ZPBP: variants seen among roughly 807,000 people sequenced by gnomAD.
ZPBP encodes the protein zona pellucida-binding protein 1.
Under a neutral mutation model 44.8 loss-of-function variants are expected in ZPBP, and 26 were observed. That is an observed-to-expected ratio of 0.58 (90% CI 0.43 to 0.81). The LOEUF (loss-of-function observed/expected upper bound fraction) is 0.81, where lower values mean the gene tolerates loss of function less well. ZPBP is among the 30% of genes least tolerant of loss of function. ZPBP has a pLI of 0.00. For missense variants in ZPBP, 409 were observed against 434.0 expected (o/e 0.94, Z 0.51); for synonymous variants, 174 against 153.2 (o/e 1.14, Z -1.00).
At chr7:49,914,280 T>C (rs141636240) in intron 1 of ZPBP, 13 of 152,352 alleles carry the variant, frequency 8.5e-5, no homozygotes, top group Admixed American at 3.3e-4. Context: ...CCAGAATGGA[T>C]GATGAGCTCT....
chr7:50,030,511 C>G (rs1289210382), intron 5 of ZPBP, among the ~76,000 whole-genome samples: 1 of 136,150 alleles, frequency 7.3e-6, no homozygotes, highest in Non-Finnish European at 1.6e-5. Flanking sequence ...TAAAAAAAAA[C>G]CCTAAAAAAG....
intron 2 of ZPBP, among the ~76,000 whole-genome samples, chr7:49,891,624 A>G (rs937450780): frequency 5.3e-5 from 8 of 152,212 alleles, no homozygotes; most frequent in Admixed American, 4.6e-4. Context: ...AAAAAAAAAC[A>G]GCAATAATAC....
At chr7:49,970,954 G>C (rs1446195370) in intron 7 of ZPBP, among the ~76,000 whole-genome samples, 1 of 152,070 alleles carries the variant, frequency 6.6e-6, no homozygotes, top group Non-Finnish European at 1.5e-5. Flanking sequence ...TGAGGTGAGA[G>C]GATCACTTGA....
chr7:50,033,856 C>T (rs1048568088), intron 4 of ZPBP, among the ~76,000 whole-genome samples: 2 of 152,048 alleles, frequency 1.3e-5, no homozygotes, highest in Non-Finnish European at 2.9e-5. Context: ...CCATACCCGG[C>T]TAATTTTTGT....
intron 6 of ZPBP, among the ~76,000 whole-genome samples, chr7:49,992,580 A>G (rs1372086654): frequency 6.6e-6 from 1 of 152,132 alleles, no homozygotes; most frequent in African/African-American, 2.4e-5. Context: ...AAAATATTAC[A>G]ATAGTATAAG....
intron 3 of ZPBP, among the ~76,000 whole-genome samples, chr7:50,068,992 G>A (rs774582083): frequency 1.4e-4 from 22 of 152,160 alleles, no homozygotes; most frequent in Admixed American, 3.9e-4. Flanking sequence ...GCTAAAGCTC[G>A]ACTGCATCAT....
chr7:49,874,544 ATATATG>A (rs1791314372), intron 2 of ZPBP, among the ~76,000 whole-genome samples: 1 of 52,556 alleles, frequency 1.9e-5, no homozygotes, highest in Non-Finnish European at 4.3e-5. Flanking sequence ...ACGCATGACT[ATATATG>A]TGTGTGTGTG....
chr7:49,875,369 CAAAAAAAAAAAA>C lies in ZPBP; in HGVS notation n.510-24867_510-24856del, dbSNP rs71018432. On this transcript the variant is annotated intron_variant and non_coding_transcript_variant, in intron 2 of 2. Coordinates refer to the ZPBP transcript ENST00000465922. ...TGGGTAACAGAGTGAGATTCTGACT[CAAAAAAAAAAAA>C]AAAAAAAAAAAAAAAACAGGAATAA... Among the ~76,000 whole-genome samples the C allele has an allele frequency of 1.3e-3, 24 of 19,016 alleles. 1 individual carries two copies. In the Admixed American group the frequency reaches 0.014, roughly 11 times the overall value. The allele number at this position is 19,016 out of a possible 152,430, so 12.5% of individuals were successfully genotyped here. A position where few individuals can be genotyped will look rare whatever the true frequency, so the allele number is the denominator to read the frequency against.
chr7:50,069,137 A>C (rs1003698355), intron 3 of ZPBP, among the ~76,000 whole-genome samples: 2 of 152,082 alleles, frequency 1.3e-5, no homozygotes, highest in Non-Finnish European at 2.9e-5. Flanking sequence ...TCTCCTTCTC[A>C]TGTGAGATTG....
intron 7 of ZPBP, chr7:49,942,408 T>C (rs1009762279): frequency 6.4e-6 from 1 of 156,844 alleles, no homozygotes; most frequent in East Asian, 1.9e-4. Flanking sequence ...TCCTTAGATG[T>C]AAGCATCCTG....
At chr7:49,896,982 G>A (rs931696158) in intron 2 of ZPBP, among the ~76,000 whole-genome samples, 7 of 142,676 alleles carry the variant, frequency 4.9e-5, no homozygotes, top group South Asian at 2.2e-4. Context: ...TGCAAGCTCC[G>A]CTTCCCGGGT....
chr7:49,986,306 T>C (rs558360619), intron 6 of ZPBP, among the ~76,000 whole-genome samples: 1 of 152,172 alleles, frequency 6.6e-6, no homozygotes, highest in African/African-American at 2.4e-5. Flanking sequence ...GCATTTTCCT[T>C]CTTTTTTTCA....
downstream of ZPBP, among the ~76,000 whole-genome samples, chr7:49,935,047 T>C (rs1794574684): frequency 6.6e-6 from 1 of 152,178 alleles, no homozygotes; most frequent in Non-Finnish European, 1.5e-5. Flanking sequence ...CATGTATGAT[T>C]TTTATTGCAC....
intron 2 of ZPBP, among the ~76,000 whole-genome samples, chr7:49,856,232 G>A (rs934863523): frequency 1.3e-4 from 20 of 152,170 alleles, no homozygotes; most frequent in Non-Finnish European, 8.8e-5. Flanking sequence ...TGAGTCATGA[G>A]GGTGGATTCT....
At chr7:49,981,517 T>G (rs192321017) in intron 7 of ZPBP, among the ~76,000 whole-genome samples, 1,230 of 49,550 alleles carry the variant, frequency 0.025, 55 homozygotes, top group African/African-American at 0.12. Flanking sequence ...ATATGGTATA[T>G]TATATAATAT....
At chr7:49,995,261 C>T (rs992161080) in intron 6 of ZPBP, among the ~76,000 whole-genome samples, 4 of 152,178 alleles carry the variant, frequency 2.6e-5, no homozygotes, top group African/African-American at 9.7e-5. Context: ...CAAATTATGA[C>T]ATAGAGCTGG....
chr7:50,090,880 G>T (rs191092257), intron 1 of ZPBP, among the ~76,000 whole-genome samples: 7 of 152,182 alleles, frequency 4.6e-5, no homozygotes, highest in Admixed American at 2.0e-4. Context: ...GTTCTTTAGG[G>T]AATCTCCACA....
Position 50,066,220 on chromosome 7 carries a change from G to A in ZPBP, c.335-8079C>T, listed in dbSNP as rs988752911. On this transcript the variant is annotated intron_variant, in intron 3 of 7. Coordinates refer to ENST00000046087, the MANE Select transcript of ZPBP (RefSeq NM_007009.3). Reference sequence around the variant, plus strand: ...AGTACAAGGAAATAGGCCTTTTATAGGAGAGAGGGTCTTCTTTGGTTTGAG... The same window carrying A: ...AGTACAAGGAAATAGGCCTTTTATAAGAGAGAGGGTCTTCTTTGGTTTGAG... Among the ~76,000 whole-genome samples the A allele has an allele frequency of 3.3e-5, 5 of 150,570 alleles. 1 individual carries two copies. Among genetic ancestry groups the A allele is most frequent in the Non-Finnish European group, 7.4e-5 (5 of 67,654 alleles).
intron 2 of ZPBP, among the ~76,000 whole-genome samples, chr7:49,862,543 A>G (rs766389517): frequency 6.6e-6 from 1 of 152,034 alleles, no homozygotes; most frequent in Non-Finnish European, 1.5e-5. Flanking sequence ...TCTTGTTCCT[A>G]TTTTAGGGGG....
Sources: allele counts gnomAD v4.1 joint callset (sites outside exome capture counted in the v4.1 genomes callset), GRCh38; gene constraint gnomAD v4.1.1; transcripts MANE v1.5; gene names NCBI Gene and HGNC (gene_info 2026-07-23, HGNC 2026-07-21).